Variants in KCNQ5 observed in about 807,000 individuals in gnomAD.
KCNQ5 encodes potassium voltage-gated channel subfamily Q member 5, also known as potassium voltage-gated channel subfamily KQT member 5.
KCNQ5 carries 30 observed loss-of-function variants against 98.2 expected under a neutral mutation model. That is an observed-to-expected ratio of 0.31 (90% CI 0.23 to 0.41). The LOEUF (loss-of-function observed/expected upper bound fraction) is 0.41. Among genes scored for constraint, KCNQ5 ranks in the 10% least tolerant of loss-of-function variants. The pLI is 1.00. For synonymous variants in KCNQ5, 458 were observed against 449.4 expected (o/e 1.02, Z -0.24); for missense variants, 835 against 1,182.5 (o/e 0.71, Z 4.31).
chr6:72,684,657 G>C (rs548388881), intron 1 of KCNQ5, among the ~76,000 whole-genome samples: 5 of 152,276 alleles, frequency 3.3e-5, no homozygotes, highest in African/African-American at 1.2e-4. Flanking sequence ...CTTGGAATGG[G>C]CCTTTGCATA....
chr6:73,025,416 G>A lies in KCNQ5; in HGVS notation c.490-16520G>A, dbSNP rs1770828305. 7.2e-5 allele frequency among the ~76,000 whole-genome samples: 11 copies of A among 152,178 alleles called. 1 individual carries two copies. The South Asian group carries it at 2.3e-3, about 32-fold the overall frequency. On this transcript the variant is annotated intron_variant, in intron 2 of 13. Transcript: ENST00000370398. ...GTGGGCGGATCACCTGAAGTCAGGA[G>A]TTCAAAAAAAGCCTGCCTAACATGG... is the stretch of plus-strand genomic sequence containing the variant.
At chr6:72,921,433 G>A (rs1360621933) in intron 1 of KCNQ5, among the ~76,000 whole-genome samples, 1 of 152,148 alleles carries the variant, frequency 6.6e-6, no homozygotes, top group Non-Finnish European at 1.5e-5. Flanking sequence ...AGTTGACCAG[G>A]GGCATTTCTG....
intron 10 of KCNQ5, among the ~76,000 whole-genome samples, chr6:73,138,074 G>A (rs868497712): frequency 1.3e-5 from 2 of 152,160 alleles, no homozygotes; most frequent in African/African-American, 2.4e-5. Context: ...TTGGGGAAAT[G>A]GCCTTTCAAT....
At chr6:72,636,700 A>G (rs2098924353) in intron 1 of KCNQ5, among the ~76,000 whole-genome samples, 1 of 152,220 alleles carries the variant, frequency 6.6e-6, no homozygotes, top group African/African-American at 2.4e-5. Flanking sequence ...GCTAAGTGTA[A>G]GACCCTAGAG....
intron 1 of KCNQ5, among the ~76,000 whole-genome samples, chr6:72,968,165 G>A (rs745475695): frequency 6.6e-6 from 1 of 152,032 alleles, no homozygotes. Flanking sequence ...CAGTGTCTCA[G>A]AAGTTCTGCA....
chr6:72,766,069 G>T (rs1267804136), intron 1 of KCNQ5, among the ~76,000 whole-genome samples: 3 of 151,996 alleles, frequency 2.0e-5, no homozygotes, highest in Non-Finnish European at 4.4e-5. Flanking sequence ...ACAATCAAGG[G>T]GAATTAAGAG....
intron 5 of KCNQ5, among the ~76,000 whole-genome samples, chr6:73,094,779 C>T (rs1232973681): frequency 1.3e-5 from 2 of 152,144 alleles, no homozygotes; most frequent in Non-Finnish European, 2.9e-5. Flanking sequence ...AGGGTTTCTG[C>T]TGAGAAATCT....
chr6:72,950,633 G>A (rs1204905610), intron 1 of KCNQ5, among the ~76,000 whole-genome samples: 1 of 152,200 alleles, frequency 6.6e-6, no homozygotes, highest in Non-Finnish European at 1.5e-5. Context: ...TACACCTGCT[G>A]CAGTGATGAG....
intron 10 of KCNQ5, among the ~76,000 whole-genome samples, chr6:73,140,045 C>G (rs927000342): frequency 3.3e-5 from 5 of 152,120 alleles, no homozygotes; most frequent in Non-Finnish European, 7.3e-5. Flanking sequence ...CTACCACAAC[C>G]CTTGTTTGAA....
chr6:73,165,477 A>G (rs998507665), intron 10 of KCNQ5, among the ~76,000 whole-genome samples: 5 of 152,148 alleles, frequency 3.3e-5, no homozygotes, highest in South Asian at 2.1e-4. Context: ...CAGGGTCTGT[A>G]TATTTCCAAG....
chr6:73,089,761 T>G (rs1582333813), intron 5 of KCNQ5, among the ~76,000 whole-genome samples: 1 of 118,728 alleles, frequency 8.4e-6, no homozygotes, highest in East Asian at 2.4e-4. Context: ...TATGGCTGAG[T>G]AGTATTCCAT....
At chr6:73,150,994 A>G (rs1777126789) in intron 10 of KCNQ5, among the ~76,000 whole-genome samples, 1 of 152,252 alleles carries the variant, frequency 6.6e-6, no homozygotes, top group South Asian at 2.1e-4. Flanking sequence ...GGAAATGTCT[A>G]TATCTTGACT....
chr6:72,685,621 A>G (rs573116101), intron 1 of KCNQ5, among the ~76,000 whole-genome samples: 1 of 152,318 alleles, frequency 6.6e-6, no homozygotes, highest in East Asian at 1.9e-4. Context: ...CACACTGTAT[A>G]TTATGCCTTA....
chr6:73,046,406 G>A (rs965453736), intron 3 of KCNQ5, among the ~76,000 whole-genome samples: 1 of 152,032 alleles, frequency 6.6e-6, no homozygotes, highest in African/African-American at 2.4e-5. Context: ...ACCATCTGAG[G>A]ACAATTAAAA....
At chr6:72,641,066 T>G (rs1175440344) in intron 1 of KCNQ5, among the ~76,000 whole-genome samples, 2 of 152,164 alleles carry the variant, frequency 1.3e-5, no homozygotes, top group African/African-American at 4.8e-5. Context: ...TCTAAGGAAG[T>G]TAAATTCTGA....
At chr6:72,711,262 A>G (rs1769357362) in intron 1 of KCNQ5, among the ~76,000 whole-genome samples, 1 of 151,996 alleles carries the variant, frequency 6.6e-6, no homozygotes, top group African/African-American at 2.4e-5. Flanking sequence ...CCAAGCAGAG[A>G]GGCCTCAGGA....
intron 5 of KCNQ5, among the ~76,000 whole-genome samples, chr6:73,097,136 A>G (rs538977138): frequency 5.5e-5 from 2 of 36,374 alleles, no homozygotes; most frequent in East Asian, 2.0e-3. Context: ...ACTGTGCAAT[A>G]GATCTCATAT....
chr6:72,976,243 T>C (rs1207338678), intron 1 of KCNQ5, among the ~76,000 whole-genome samples: 1 of 152,226 alleles, frequency 6.6e-6, no homozygotes, highest in Non-Finnish European at 1.5e-5. Context: ...ATTGCAATGG[T>C]TAAGTCATTA....
At chr6:73,165,009 C>A (rs904514702) in intron 10 of KCNQ5, among the ~76,000 whole-genome samples, 1 of 151,796 alleles carries the variant, frequency 6.6e-6, no homozygotes, top group African/African-American at 2.4e-5. Context: ...GAGTGGGTCT[C>A]ACTCTGTTGC....
Sources: allele counts gnomAD v4.1 joint callset (sites outside exome capture counted in the v4.1 genomes callset), GRCh38; gene constraint gnomAD v4.1.1; transcripts MANE v1.5; gene names NCBI Gene and HGNC (gene_info 2026-07-23, HGNC 2026-07-21).